CSTPP1: variants seen among roughly 807,000 people sequenced by gnomAD.
CSTPP1 encodes the protein UPF0705 protein C11orf49.
the CSTPP1 span, among the ~76,000 whole-genome samples, chr11:47,039,466 G>A: frequency 7.9e-6 from 1 of 126,674 alleles, no homozygotes. Flanking sequence ...TGGAGAGAGG[G>A]AGAGGGAGAC....
chr11:46,953,388 AT>A, the CSTPP1 span, among the ~76,000 whole-genome samples: 1 of 152,122 alleles, frequency 6.6e-6, no homozygotes, highest in Non-Finnish European at 1.5e-5. Flanking sequence ...GAAAGGAACC[AT>A]TGTACAGGGA....
chr11:47,038,660 G>T, the CSTPP1 span, among the ~76,000 whole-genome samples: 1 of 122,350 alleles, frequency 8.2e-6, no homozygotes, highest in East Asian at 2.3e-4. Flanking sequence ...CCCGGACGGG[G>T]TGGCTGGCCG....
At chr11:47,160,937 T>C in the CSTPP1 span, 6 of 673,146 alleles carry the variant, frequency 8.9e-6, no homozygotes, top group Non-Finnish European at 1.5e-5. Flanking sequence ...ATTCAATAAA[T>C]GTATCAAGCA....
chr11:47,129,231 G>T, the CSTPP1 span, among the ~76,000 whole-genome samples: 1 of 152,276 alleles, frequency 6.6e-6, no homozygotes, highest in East Asian at 1.9e-4. Context: ...GGTAACACCT[G>T]GTGGAGCTGC....
chr11:47,084,249 G>A, the CSTPP1 span, among the ~76,000 whole-genome samples: 1 of 152,096 alleles, frequency 6.6e-6, no homozygotes, highest in African/African-American at 2.4e-5. Context: ...AATTTTTAGT[G>A]GGTTGTTTGT....
chr11:47,069,716 AT>A, the CSTPP1 span, among the ~76,000 whole-genome samples: 6 of 149,574 alleles, frequency 4.0e-5, no homozygotes, highest in Admixed American at 6.7e-5. Flanking sequence ...TATTATTATT[AT>A]TTTTTTTTTG....
chr11:47,059,390 A>T, the CSTPP1 span, among the ~76,000 whole-genome samples: 2 of 152,296 alleles, frequency 1.3e-5, no homozygotes, highest in East Asian at 3.9e-4. Context: ...GTGGTGTAGA[A>T]ATAGTCTCCA....
chr11:47,091,856 A>G, the CSTPP1 span, among the ~76,000 whole-genome samples: 3 of 152,218 alleles, frequency 2.0e-5, no homozygotes, highest in Non-Finnish European at 2.9e-5. Flanking sequence ...AAAAGATAGG[A>G]AACTGATTCT....
At chr11:47,133,508 C>T in the CSTPP1 span, among the ~76,000 whole-genome samples, 6 of 152,350 alleles carry the variant, frequency 3.9e-5, no homozygotes, top group African/African-American at 1.4e-4. Context: ...TGAGAGACCA[C>T]GGTGTGGCCA....
At chr11:47,144,849 C>T in the CSTPP1 span, among the ~76,000 whole-genome samples, 6 of 152,076 alleles carry the variant, frequency 3.9e-5, no homozygotes, top group Non-Finnish European at 8.8e-5. Flanking sequence ...CACACATGGC[C>T]GGACCACATC....
At chr11:47,120,079 C>T in the CSTPP1 span, among the ~76,000 whole-genome samples, 1 of 152,066 alleles carries the variant, frequency 6.6e-6, no homozygotes, top group Admixed American at 6.6e-5. This position sits in a 1 kb window ranked among gnomAD's most constrained non-coding sequence, Gnocchi z 4.2. Context: ...CTAAGAGTCA[C>T]CTGAGCTATT....
the CSTPP1 span, among the ~76,000 whole-genome samples, chr11:46,944,974 G>C: frequency 6.6e-6 from 1 of 152,132 alleles, no homozygotes; most frequent in Non-Finnish European, 1.5e-5. Flanking sequence ...CAAAGGTTCT[G>C]ACATAGGACC....
At chr11:47,137,502 G>C in the CSTPP1 span, 2 of 1,511,082 alleles carry the variant, frequency 1.3e-6, no homozygotes, top group Non-Finnish European at 1.8e-6. Context: ...CTGGAGGTTA[G>C]AGACTAGCAT....
chr11:47,074,502 A>G, the CSTPP1 span, among the ~76,000 whole-genome samples: 1 of 26,620 alleles, frequency 3.8e-5, no homozygotes, highest in South Asian at 1.3e-3. Context: ...CCTGTCTCAG[A>G]AAAAAAAAAA....
chr11:47,008,321 C>T, the CSTPP1 span, among the ~76,000 whole-genome samples: 2 of 152,098 alleles, frequency 1.3e-5, no homozygotes, highest in Non-Finnish European at 2.9e-5. Flanking sequence ...AGGAACTTAA[C>T]ATTAATTCAA....
At chr11:47,054,133 C>A in the CSTPP1 span, among the ~76,000 whole-genome samples, 2 of 150,478 alleles carry the variant, frequency 1.3e-5, no homozygotes, top group African/African-American at 4.9e-5. Context: ...CATGGTGAAA[C>A]CCCATCTCTA....
the CSTPP1 span, among the ~76,000 whole-genome samples, chr11:47,059,049 G>A: frequency 1.3e-5 from 2 of 152,198 alleles, no homozygotes; most frequent in Non-Finnish European, 1.5e-5. Flanking sequence ...GCAGGGACAT[G>A]GATGAAGCTG....
At chr11:47,046,787 TC>T in the CSTPP1 span, among the ~76,000 whole-genome samples, 1 of 143,580 alleles carries the variant, frequency 7.0e-6, no homozygotes, top group South Asian at 2.4e-4. Context: ...CTGCTCAGAA[TC>T]CTGAGTAGCT....
the CSTPP1 span, among the ~76,000 whole-genome samples, chr11:46,960,970 A>T: frequency 6.6e-6 from 1 of 152,208 alleles, no homozygotes; most frequent in Admixed American, 6.5e-5. Flanking sequence ...TTATTCATTC[A>T]TCACTTGATG....
Sources: allele counts gnomAD v4.1 joint callset (sites outside exome capture counted in the v4.1 genomes callset), GRCh38; gene constraint gnomAD v4.1.1; non-coding constraint Gnocchi (gnomAD v3.1); transcripts MANE v1.5; gene names NCBI Gene and HGNC (gene_info 2026-07-23, HGNC 2026-07-21).